PIP5K1B: variants seen among roughly 807,000 people sequenced by gnomAD.
PIP5K1B encodes phosphatidylinositol-4-phosphate 5-kinase type 1 beta.
Under a neutral mutation model 67.0 loss-of-function variants are expected in PIP5K1B, and 42 were observed. The ratio of observed to expected loss-of-function variants is 0.63; its 90% CI spans 0.49 to 0.81. PIP5K1B has a LOEUF of 0.81. Ranked by LOEUF, PIP5K1B falls within the 30% of genes least tolerant of loss-of-function variation. The probability of loss-of-function intolerance (pLI) is 0.00; values close to 1 mark genes in which losing one functional copy is unlikely to be tolerated. For missense variants in PIP5K1B, 459 were observed against 646.3 expected (o/e 0.71, Z 3.14); for synonymous variants, 214 against 231.4 (o/e 0.92, Z 0.68).
intron 2 of PIP5K1B, among the ~76,000 whole-genome samples, chr9:68,802,371 T>G (rs1437892161): frequency 1.3e-5 from 2 of 152,208 alleles, no homozygotes; most frequent in Non-Finnish European, 2.9e-5. Context: ...AATACGCATA[T>G]ATGCATTAAA....
intron 4 of PIP5K1B, among the ~76,000 whole-genome samples, chr9:68,856,176 C>A (rs972902926): frequency 2.0e-5 from 3 of 152,142 alleles, no homozygotes; most frequent in African/African-American, 7.2e-5. Flanking sequence ...TCCAGTCTTT[C>A]CAGCCTCCAG....
At chr9:68,789,352 A>G (rs1831825971) in intron 2 of PIP5K1B, 1 of 385,058 alleles carries the variant, frequency 2.6e-6, no homozygotes, top group Non-Finnish European at 5.0e-6. Context: ...ATAAATCACA[A>G]TCACATTGTC....
chr9:68,937,582 G>A lies in PIP5K1B; in HGVS notation c.1357+2537G>A, dbSNP rs1428001153. On this transcript the variant is annotated intron_variant, in intron 13 of 15. Transcript: ENST00000265382. ...CCTGGATGCATTGATTTTTTTGAAG[G>A]GTTTTTTGTGTATCTATCTCCTTCA... 2.6e-5 allele frequency among the ~76,000 whole-genome samples: 4 copies of A among 152,040 alleles called. No homozygotes were observed. In the South Asian group the frequency reaches 8.3e-4, roughly 32 times the overall value.
chr9:68,774,222 T>C (rs543901724), intron 2 of PIP5K1B, among the ~76,000 whole-genome samples: 1 of 152,318 alleles, frequency 6.6e-6, no homozygotes, highest in East Asian at 1.9e-4. Flanking sequence ...TGGTGATCTG[T>C]AACTGGCTTC....
At chr9:68,773,419 T>C (rs1587421588) in intron 2 of PIP5K1B, among the ~76,000 whole-genome samples, 2 of 152,322 alleles carry the variant, frequency 1.3e-5, no homozygotes, top group East Asian at 3.9e-4. Flanking sequence ...AGGAGAGATA[T>C]CACTCCTGTT....
chr9:68,740,300 A>T (rs1828942757), intron 1 of PIP5K1B, among the ~76,000 whole-genome samples: 1 of 152,206 alleles, frequency 6.6e-6, no homozygotes, highest in African/African-American at 2.4e-5. Context: ...TAGGACATGG[A>T]CACTCTCAGA....
chr9:68,833,607 A>G lies in PIP5K1B; in HGVS notation c.69+10924A>G, dbSNP rs776237320. 1.1e-3 allele frequency among the ~76,000 whole-genome samples: 169 copies of G among 151,872 alleles called. 6 individuals are homozygous for G. The highest frequency in any genetic ancestry group is 9.9e-4 in the Non-Finnish European group (67 of 67,866). The stretch of plus-strand genomic sequence containing the variant: ...AAATACTCATCAGCCCCAAGTGTCA[A>G]TAGTGCTAAGTTGAGAAGCCCTGAG... On this transcript the variant is annotated intron_variant, in intron 4 of 15. Transcript: ENST00000265382.
rs115950787 is a variant in PIP5K1B, at chr9:68,999,686, C to T, written c.1620+8429C>T. Among the ~76,000 whole-genome samples the T allele has an allele frequency of 2.3e-3, 343 of 152,226 alleles. 1 individual carries two copies. Among genetic ancestry groups the T allele is most frequent in the African/African-American group, 7.2e-3 (299 of 41,508 alleles). ...AATGTAAGGGGGAACCGTGTGACTC[C>T]CCTGGCAAGATAGCTGTCCCATTAC... On this transcript the variant is annotated intron_variant, in intron 15 of 15. Coordinates refer to ENST00000265382, the MANE Select transcript of PIP5K1B (RefSeq NM_003558.4).
chr9:68,939,430 T>C (rs1827444315), intron 13 of PIP5K1B, among the ~76,000 whole-genome samples: 1 of 152,226 alleles, frequency 6.6e-6, no homozygotes, highest in Non-Finnish European at 1.5e-5. Context: ...CAGTTTTCAA[T>C]GTTATGGAGA....
intron 8 of PIP5K1B, among the ~76,000 whole-genome samples, chr9:68,900,965 T>G (rs888641219): frequency 3.3e-5 from 5 of 152,236 alleles, no homozygotes; most frequent in Admixed American, 6.5e-5. Context: ...ATATTTAACA[T>G]TATGGCTATT....
chr9:68,932,624 A>G, intron 12 of PIP5K1B, among the ~76,000 whole-genome samples: 1 of 152,232 alleles, frequency 6.6e-6, no homozygotes, highest in East Asian at 1.9e-4. Context: ...TGAATTCAAT[A>G]TGTGGTGACA....
intron 12 of PIP5K1B, among the ~76,000 whole-genome samples, chr9:68,930,636 T>C (rs1296847713): frequency 6.6e-6 from 1 of 151,774 alleles, no homozygotes; most frequent in Non-Finnish European, 1.5e-5. Flanking sequence ...CCCAAACAGG[T>C]CTCTTTGCCT....
At chr9:68,723,199 GGA>G (rs982712270) in intron 1 of PIP5K1B, among the ~76,000 whole-genome samples, 1 of 32,646 alleles carries the variant, frequency 3.1e-5, no homozygotes. Context: ...AGAGAGAGAG[GGA>G]GAGAGAGAGA....
intron 3 of PIP5K1B, among the ~76,000 whole-genome samples, chr9:68,820,434 G>A (rs890371787): frequency 9.2e-5 from 14 of 152,156 alleles, no homozygotes; most frequent in Admixed American, 3.3e-4. Flanking sequence ...AATTATGTAA[G>A]AGGGTGGTTT....
chr9:68,712,132 C>T (rs1480039160), intron 1 of PIP5K1B, among the ~76,000 whole-genome samples: 1 of 152,200 alleles, frequency 6.6e-6, no homozygotes, highest in Non-Finnish European at 1.5e-5. Context: ...GTACACTCCC[C>T]ATGGTAATGA....
intron 1 of PIP5K1B, among the ~76,000 whole-genome samples, chr9:68,712,916 T>C (rs943517449): frequency 5.3e-5 from 8 of 152,226 alleles, no homozygotes; most frequent in African/African-American, 1.2e-4. Context: ...TCATTCCTAA[T>C]TAAGACACTT....
At chr9:68,833,729 C>T (rs1224134888) in intron 4 of PIP5K1B, among the ~76,000 whole-genome samples, 1 of 152,090 alleles carries the variant, frequency 6.6e-6, no homozygotes, top group Non-Finnish European at 1.5e-5. Context: ...ATTGACTGGA[C>T]GGGGCCATGG....
At chr9:68,832,552 C>A (rs1834375654) in intron 4 of PIP5K1B, among the ~76,000 whole-genome samples, 1 of 152,162 alleles carries the variant, frequency 6.6e-6, no homozygotes, top group Admixed American at 6.5e-5. Context: ...CAGCTCAGTC[C>A]TCTGCATGAA....
intron 13 of PIP5K1B, among the ~76,000 whole-genome samples, chr9:68,938,104 T>C (rs554408930): frequency 7.9e-5 from 12 of 152,302 alleles, no homozygotes; most frequent in African/African-American, 2.9e-4. Context: ...ACTGTAGCTG[T>C]CTATTAGGTC....
Sources: gnomAD v4.1 joint callset for allele counts (sites outside exome capture counted in the v4.1 genomes callset) on GRCh38, gnomAD v4.1.1 for gene constraint, MANE v1.5 for transcripts, NCBI Gene and HGNC (gene_info 2026-07-23, HGNC 2026-07-21) for gene names.